The following MDN1 variants were observed in gnomAD, a reference collection of about 807,000 sequenced individuals.
The protein encoded by MDN1 is midasin.
In MDN1, 266 loss-of-function variants were observed where a neutral mutation model predicts 669.2. The ratio of observed to expected loss-of-function variants is 0.40; its 90% confidence interval spans 0.36 to 0.44. MDN1 has a LOEUF of 0.44. Among genes scored for constraint, MDN1 ranks in the 20% least tolerant of loss-of-function variants. The pLI is 1.00. For synonymous variants in MDN1, 2,385 were observed against 2,457.1 expected, an observed-to-expected ratio of 0.97 and a Z score of 0.87; for missense variants, 5,940 against 6,754.0, an observed-to-expected ratio of 0.88 and a Z score of 4.22.
intron 12 of MDN1, among the ~76,000 whole-genome samples, chr6:89,775,243 G>A (rs1818297657): frequency 6.6e-6 from 1 of 152,184 alleles, no homozygotes. Context: ...AGTGAAAGAA[G>A]CAAACTGCTC....
intron 53 of MDN1, among the ~76,000 whole-genome samples, chr6:89,703,435 C>T (rs1813299811): frequency 6.6e-6 from 1 of 151,724 alleles, no homozygotes; most frequent in East Asian, 1.9e-4. Context: ...AAGACAATAC[C>T]ATACGGTTTT....
In MDN1 at chr6:89,738,308, C is replaced by T. The variant is rs373994503; in HGVS notation, c.4723+18G>A. On this transcript the variant is annotated intron_variant, in intron 33 of 101. Coordinates refer to ENST00000369393, the MANE Select transcript of MDN1 (RefSeq NM_014611.3). ...CTTCTATGACCCAATACTACCATCA[C>T]CACCTGCAAACTCTCACCTTTAGGA... 24 of 1,612,616 alleles carry T rather than the reference C, an allele frequency of 1.5e-5. 1 individual carries two copies. In the African/African-American group the frequency reaches 2.0e-4, roughly 13 times the overall value.
intron 84 of MDN1, among the ~76,000 whole-genome samples, chr6:89,666,142 CT>C (rs543855521): frequency 6.6e-6 from 1 of 152,232 alleles, no homozygotes; most frequent in Non-Finnish European, 1.5e-5. Flanking sequence ...GAACCTTTGA[CT>C]TTTTTCTATG....
intron 15 of MDN1, 76 bp from the exon 16 acceptor site, chr6:89,762,606 AG>A: frequency 9.6e-7 from 1 of 1,041,646 alleles, no homozygotes; most frequent in Non-Finnish European, 1.4e-6. Flanking sequence ...CTCAGAAAAC[AG>A]GAGTAGGTCT....
chr6:89,683,387 CAT>C, intron 72 of MDN1, 57 bp from the exon 73 acceptor site: 1 of 1,448,978 alleles, frequency 6.9e-7, no homozygotes, highest in Non-Finnish European at 9.6e-7. Flanking sequence ...CAAGTGAAGA[CAT>C]ATAAAAAATA....
intron 7 of MDN1, 58 bp from the exon 8 acceptor site, chr6:89,788,015 C>T (rs1383755303): frequency 2.9e-6 from 4 of 1,379,730 alleles, no homozygotes; most frequent in African/African-American, 1.4e-5. Flanking sequence ...CAGAAATAAT[C>T]AAAACAAAAC....
intron 95 of MDN1, among the ~76,000 whole-genome samples, chr6:89,651,073 T>C (rs539590126): frequency 3.3e-5 from 5 of 151,420 alleles, no homozygotes; most frequent in Non-Finnish European, 5.9e-5. Flanking sequence ...CCCAGCACTT[T>C]GGGAGGCCGA....
At chr6:89,663,754 G>A (rs71556336) in intron 85 of MDN1, among the ~76,000 whole-genome samples, 4 of 151,610 alleles carry the variant, frequency 2.6e-5, no homozygotes, top group Admixed American at 2.0e-4. Context: ...CTAACATGGT[G>A]AAACCCCGTC....
rs763775603 is a variant in MDN1 at position 89,655,902 on chromosome 6, G to A, written c.15352C>T (p.His5118Tyr). 3 of 1,614,064 alleles carry A rather than the reference G, an allele frequency of 1.9e-6. No individual in the cohort carries two copies. The Admixed American group carries it at 5.0e-5, about 27-fold the overall frequency. ...GTATCCACAGTCCTCAGCCTCTTGT[G>A]CACACGCTCATTGTGATCACCCATG... Reference protein sequence around the residue: ...RSMGDHNERVHKRLRTVDTDS... With the variant: ...RSMGDHNERVYKRLRTVDTDS... Residue 5118 changes from histidine to tyrosine, a missense_variant, in exon 92 of 102, where the codon CAC becomes TAC. Physicochemically the swap from His to Tyr is moderately conservative, Grantham distance 83. Coordinates refer to ENST00000369393, the MANE Select transcript of MDN1 (RefSeq NM_014611.3).
At chr6:89,711,380 A>G (rs893566156) in intron 49 of MDN1, among the ~76,000 whole-genome samples, 1 of 152,244 alleles carries the variant, frequency 6.6e-6, no homozygotes, top group Non-Finnish European at 1.5e-5. Context: ...AATAATATAA[A>G]TTTTAAAACA....
At chr6:89,799,368 C>T (rs1279504071) in intron 2 of MDN1, among the ~76,000 whole-genome samples, 4 of 152,242 alleles carry the variant, frequency 2.6e-5, no homozygotes, top group Non-Finnish European at 5.9e-5. Context: ...AAAATGCAAT[C>T]CAAATAAACT....
intron 33 of MDN1, among the ~76,000 whole-genome samples, chr6:89,733,690 A>T (rs1365747905): frequency 6.6e-6 from 1 of 151,942 alleles, no homozygotes; most frequent in Non-Finnish European, 1.5e-5. Flanking sequence ...GGGAAATTCC[A>T]GTAACAATGA....
intron 50 of MDN1, among the ~76,000 whole-genome samples, chr6:89,709,413 G>A (rs1813732631): frequency 3.3e-5 from 5 of 152,158 alleles, no homozygotes; most frequent in Admixed American, 3.3e-4. Context: ...AGGACAGTTG[G>A]AGCTAATGTG....
intron 43 of MDN1, among the ~76,000 whole-genome samples, chr6:89,717,537 TTA>T (rs1814463620): frequency 6.6e-6 from 1 of 152,196 alleles, no homozygotes. Flanking sequence ...AGTATAGTGT[TTA>T]TAATAGAAAT....
In MDN1 at chr6:89,655,968, T is replaced by C. The variant is rs1353502810; in HGVS notation, c.15286A>G (p.Ser5096Gly). The part of the protein sequence containing the change: ...SQKHTRKNTQ[S>G]FKRKPGQADN... ...GCCTGCCCAGGTTTCCTCTTAAAAC[T>C]CTGAGAAATACAAGGAAATTCATCA... Residue 5096 changes from serine (S) to glycine (G), a missense_variant and splice_region_variant, in exon 92 of 102, where the codon AGT (serine) becomes GGT (glycine). Physicochemically the swap from Ser to Gly is moderately conservative, Grantham distance 56. Transcript: ENST00000369393. 6.2e-7 allele frequency: 1 copy of C among 1,612,834 alleles called. No homozygotes were observed. Among genetic ancestry groups the C allele is most frequent in the Admixed American group, 1.7e-5 (1 of 59,914 alleles).
intron 99 of MDN1, 93 bp downstream of exon 99, chr6:89,647,939 C>G (rs1584077474): frequency 3.1e-6 from 3 of 956,456 alleles, no homozygotes; most frequent in Admixed American, 2.0e-5. Flanking sequence ...GGTGACAGAA[C>G]AAGGTCCTGT....
At position 89,712,118 on chromosome 6, in the gene MDN1, G is replaced by A. The variant is rs767483602; in HGVS notation, c.7569C>T (p.Leu2523=). ...PDVLVMAVKL[L]IERATNQDWM... ...AATCCTGATTGGTTGCTCTTTCTAT[G>A]AGCAATTTAACAGCCATGACCAAAA... is the stretch of plus-strand genomic sequence containing the variant. Residue 2523 remains leucine (L), a synonymous_variant, in exon 49 of 102, where the codon CTC becomes CTT. Transcript: ENST00000369393. 3 of 1,614,004 alleles carry A rather than the reference G, an allele frequency of 1.9e-6. No individual in the cohort carries two copies. The highest frequency in any genetic ancestry group is 1.1e-5 in the South Asian group (1 of 91,086).
rs1309204701 is a variant in MDN1, at chr6:89,670,156, ATATATATATATATATT to A, written c.13956+747_13956+762del. On this transcript the variant is annotated intron_variant, in intron 83 of 101. Coordinates refer to ENST00000369393, the MANE Select transcript of MDN1 (RefSeq NM_014611.3). ...CAAAAAAACATATATATATATATAT[ATATATATATATATATT>A]TTTTTTTTTTTTTTTTTTGAGATGC... Among the ~76,000 whole-genome samples the A allele has an allele frequency of 2.3e-4, 6 of 26,492 alleles. No homozygotes were observed. The South Asian group carries it at 2.8e-3, about 12-fold the overall frequency. 17.4% of individuals were successfully genotyped at this position (26,492 alleles called of 152,430 possible).
At position 89,787,894 on chromosome 6, in the gene MDN1, G is replaced by C; in HGVS notation, c.1294C>G (p.Leu432Val). 6.2e-7 allele frequency: 1 copy of C among 1,613,734 alleles called. No individual in the cohort carries two copies. The highest frequency in any genetic ancestry group is 8.5e-7 in the Non-Finnish European group (1 of 1,180,014). ...AACTGAAATCCAGGTGCCACTTTCA[G>C]ACAGTCACCTCGGCCAGGAATCAAG... ...ELLIPGRGDC[L>V]KVAPGFQFFA... The change falls in exon 8 of 102, where the codon CTG becomes GTG. Residue 432 changes from leucine to valine, a missense_variant. Transcript: ENST00000369393.
Sources: gnomAD v4.1 joint callset for allele counts (sites outside exome capture counted in the v4.1 genomes callset) on GRCh38, gnomAD v4.1.1 for gene constraint, MANE v1.5 for transcripts, NCBI Gene and HGNC (gene_info 2026-07-23, HGNC 2026-07-21) for gene names.